FNDC3A: variants seen among roughly 807,000 people sequenced by gnomAD.
FNDC3A encodes fibronectin type-III domain-containing protein 3A.
FNDC3A carries 32 observed loss-of-function variants against 148.9 expected under a neutral mutation model. That is an observed-to-expected ratio of 0.21 (90% CI 0.16 to 0.29). The LOEUF is 0.29. FNDC3A is among the 10% of genes least tolerant of loss of function. The pLI is 1.00. For missense variants in FNDC3A, 1,191 were observed against 1,452.8 expected, an observed-to-expected ratio of 0.82 and a Z score of 2.93; for synonymous variants, 472 against 473.6, an observed-to-expected ratio of 1.00 and a Z score of 0.04.
chr13:49,017,782 T>G (rs1872929877), intron 2 of FNDC3A, among the ~76,000 whole-genome samples: 1 of 152,080 alleles, frequency 6.6e-6, no homozygotes, highest in South Asian at 2.1e-4. Flanking sequence ...CAGGAGCTCT[T>G]TTAGGGCAGG....
chr13:49,027,432 T>G (rs1390988905), intron 2 of FNDC3A, among the ~76,000 whole-genome samples: 1 of 152,206 alleles, frequency 6.6e-6, no homozygotes, highest in Non-Finnish European at 1.5e-5. Flanking sequence ...CCAGTAAACA[T>G]AACCAGGTAA....
At chr13:49,119,665 A>C (rs1372723348) in intron 4 of FNDC3A, among the ~76,000 whole-genome samples, 2 of 151,992 alleles carry the variant, frequency 1.3e-5, no homozygotes, top group Non-Finnish European at 2.9e-5. Flanking sequence ...AGAGCTGAAA[A>C]ACACAGCACA....
chr13:49,167,316 T>C lies in FNDC3A; in HGVS notation c.1037+13T>C. The C allele has an allele frequency of 6.6e-7, 1 of 1,517,312 alleles. No homozygotes were observed. Among genetic ancestry groups the C allele is most frequent in the Non-Finnish European group, 9.1e-7 (1 of 1,099,626 alleles). 94.0% of individuals were successfully genotyped at this position (1,517,312 alleles called of 1,614,324 possible). The stretch of plus-strand genomic sequence containing the variant: ...ATTACCATGCAAAGTAAGGAATTCC[T>C]ACAGATTGCCTTTATAAGATACAGC... On this transcript the variant is annotated intron_variant, in intron 9 of 25. Coordinates refer to ENST00000492622, the MANE Select transcript of FNDC3A (RefSeq NM_001079673.2).
At chr13:48,995,747 TG>T (rs1952011412) in intron 1 of FNDC3A, among the ~76,000 whole-genome samples, 1 of 152,304 alleles carries the variant, frequency 6.6e-6, no homozygotes, top group East Asian at 1.9e-4. Context: ...GAATTAGTTT[TG>T]GCAAAAATAT....
intron 8 of FNDC3A, among the ~76,000 whole-genome samples, chr13:49,158,120 C>T (rs1460804152): frequency 6.6e-6 from 1 of 152,256 alleles, no homozygotes; most frequent in Admixed American, 6.5e-5. Flanking sequence ...CTCCCCCAGC[C>T]TCGCTGTCGC....
At chr13:49,014,560 C>G (rs1265425308) in intron 2 of FNDC3A, among the ~76,000 whole-genome samples, 4 of 149,622 alleles carry the variant, frequency 2.7e-5, no homozygotes, top group Non-Finnish European at 6.0e-5. Flanking sequence ...CCTGTTCACT[C>G]TGATGGTAGT....
At chr13:49,085,106 T>C (rs1232087599) in intron 3 of FNDC3A, among the ~76,000 whole-genome samples, 1 of 152,172 alleles carries the variant, frequency 6.6e-6, no homozygotes, top group Non-Finnish European at 1.5e-5. Flanking sequence ...TTTCTCCCTT[T>C]CTGTGCTGTG....
intron 2 of FNDC3A, among the ~76,000 whole-genome samples, chr13:49,008,366 T>C (rs1375727441): frequency 6.6e-6 from 1 of 152,182 alleles, no homozygotes; most frequent in African/African-American, 2.4e-5. Context: ...AAGAACTTAT[T>C]GATACGCCAA....
intron 3 of FNDC3A, among the ~76,000 whole-genome samples, chr13:49,093,973 T>C (rs552303433): frequency 6.6e-6 from 1 of 152,268 alleles, no homozygotes; most frequent in East Asian, 1.9e-4. Flanking sequence ...TTACTAATCC[T>C]CTGTTTTGAG....
chr13:49,162,914 C>T (rs1414805632), intron 8 of FNDC3A, among the ~76,000 whole-genome samples: 1 of 106 alleles, frequency 9.4e-3, no homozygotes, highest in Non-Finnish European at 0.023. Context: ...CACTCCAGAC[C>T]CTGTTGCCTA....
At chr13:49,100,672 C>A (rs1879804133) in intron 3 of FNDC3A, among the ~76,000 whole-genome samples, 2 of 152,022 alleles carry the variant, frequency 1.3e-5, no homozygotes, top group African/African-American at 4.8e-5. Flanking sequence ...TTCTTAATTT[C>A]TTCTTAACTT....
At chr13:49,181,193 C>T (rs1373055606) in intron 14 of FNDC3A, among the ~76,000 whole-genome samples, 1 of 152,176 alleles carries the variant, frequency 6.6e-6, no homozygotes, top group Non-Finnish European at 1.5e-5. Flanking sequence ...TAGGCTGTTG[C>T]ACAAAATTCT....
At chr13:49,001,714 G>A (rs777371333) in intron 1 of FNDC3A, among the ~76,000 whole-genome samples, 1 of 152,062 alleles carries the variant, frequency 6.6e-6, no homozygotes, top group Non-Finnish European at 1.5e-5. Flanking sequence ...ATTAGGATGA[G>A]GAAATTCTCA....
intron 2 of FNDC3A, among the ~76,000 whole-genome samples, chr13:49,035,179 G>C (rs1037771100): frequency 6.6e-6 from 1 of 152,144 alleles, no homozygotes; most frequent in East Asian, 1.9e-4. Flanking sequence ...ACCCACACAT[G>C]TGTATAAGTT....
At chr13:49,052,062 C>T (rs1325358612) in intron 2 of FNDC3A, among the ~76,000 whole-genome samples, 1 of 152,060 alleles carries the variant, frequency 6.6e-6, no homozygotes, top group Non-Finnish European at 1.5e-5. Flanking sequence ...ATCTATTTCA[C>T]TGAAGAATTT....
At chr13:49,196,097 A>C (rs1393608439) in intron 19 of FNDC3A, among the ~76,000 whole-genome samples, 2 of 151,032 alleles carry the variant, frequency 1.3e-5, no homozygotes, top group Non-Finnish European at 2.9e-5. Context: ...AAAAAAAAAA[A>C]AAAAAAAAGA....
At position 49,187,058 on chromosome 13, in the gene FNDC3A, G is replaced by GT. The variant is rs550246096; in HGVS notation, c.1757-56dup. 1.2e-3 allele frequency: 1,443 copies of GT among 1,251,858 alleles called. 5 individuals are homozygous for GT. Among genetic ancestry groups the GT allele is most frequent in the South Asian group, 7.0e-3 (518 of 74,460 alleles). 77.5% of individuals were successfully genotyped at this position (1,251,858 alleles called of 1,614,324 possible). A position where few individuals can be genotyped will look rare whatever the true frequency, so the allele number is the denominator to read the frequency against. ...CCTAGTTTGGTATTCTGTTTATTAG[G>GT]TTTTTTTTATCATTTTTATGTTGTT... is the stretch of plus-strand genomic sequence containing the variant. On this transcript the variant is annotated intron_variant, in intron 15 of 25. Coordinates refer to ENST00000492622, the MANE Select transcript of FNDC3A (RefSeq NM_001079673.2).
chr13:49,153,380 G>C (rs1365913387), intron 8 of FNDC3A, among the ~76,000 whole-genome samples: 1 of 152,024 alleles, frequency 6.6e-6, no homozygotes, highest in Non-Finnish European at 1.5e-5. Context: ...GTTTTTTCTT[G>C]TAAATTTGTT....
chr13:49,110,490 T>G, intron 3 of FNDC3A: 2 of 900,156 alleles, frequency 2.2e-6, no homozygotes, highest in Non-Finnish European at 3.7e-6. Context: ...CGTGTGTTTT[T>G]AAAAATAGAT....
Sources: gnomAD v4.1 joint callset for allele counts (sites outside exome capture counted in the v4.1 genomes callset) on GRCh38, gnomAD v4.1.1 for gene constraint, MANE v1.5 for transcripts, NCBI Gene and HGNC (gene_info 2026-07-23, HGNC 2026-07-21) for gene names.